Variants in TECRL observed in about 807,000 individuals in gnomAD.
TECRL encodes trans-2,3-enoyl-CoA reductase like, also known as trans-2,3-enoyl-CoA reductase-like.
A neutral mutation model predicts 52.8 loss-of-function variants in TECRL; 63 were observed. The observed-to-expected ratio is 1.19, with a 90% confidence interval of 0.97 to 1.47. TECRL has a LOEUF of 1.47. Ranked by LOEUF, TECRL falls within the 40% of genes most tolerant of loss-of-function variation. The pLI, the probability that TECRL is intolerant of heterozygous loss-of-function variation, is 0.00. For synonymous variants in TECRL, 164 were observed against 141.9 expected (o/e 1.16, Z -1.10); for missense variants, 482 against 429.6 (o/e 1.12, Z -1.08).
At chr4:64,398,556 G>A (rs543702657) in intron 1 of TECRL, among the ~76,000 whole-genome samples, 2 of 152,196 alleles carry the variant, frequency 1.3e-5, no homozygotes, top group African/African-American at 4.8e-5. Flanking sequence ...GATTCCTGAG[G>A]CCTCCCCATA....
At chr4:64,332,542 C>T (rs1480831481) in intron 2 of TECRL, among the ~76,000 whole-genome samples, 1 of 151,930 alleles carries the variant, frequency 6.6e-6, no homozygotes, top group Non-Finnish European at 1.5e-5. Flanking sequence ...TGATGAAAAA[C>T]CAGGGGGAAA....
intron 2 of TECRL, among the ~76,000 whole-genome samples, chr4:64,336,077 G>C (rs183159482): frequency 6.6e-6 from 1 of 151,804 alleles, no homozygotes; most frequent in Non-Finnish European, 1.5e-5. Flanking sequence ...GAATAGTTTC[G>C]GAAGGAATGG....
intron 2 of TECRL, among the ~76,000 whole-genome samples, chr4:64,353,795 C>G (rs984682928): frequency 4.9e-4 from 40 of 81,196 alleles, no homozygotes; most frequent in African/African-American, 1.3e-3. Flanking sequence ...GAGAGCACAC[C>G]AGAAATAAAA....
At position 64,314,731 on chromosome 4, in the gene TECRL, T is replaced by C; in HGVS notation, c.468A>G (p.Leu156=). The C allele has an allele frequency of 1.2e-6, 2 of 1,613,648 alleles. No homozygotes were observed. The highest frequency in any genetic ancestry group is 2.2e-5 in the South Asian group (2 of 91,060). Residue 156 remains leucine, a synonymous_variant, in exon 5 of 12, where the codon CTA becomes CTG. Coordinates refer to ENST00000381210, the MANE Select transcript of TECRL (RefSeq NM_001010874.5). ...TCCTCAAATAAAAGAGGAGGTATAT[T>C]AGCAGAGGTCCTGTGTATTCAGCCA... ...VFLAEYTGPL[L]IYLLFYLRIP...
intron 2 of TECRL, among the ~76,000 whole-genome samples, chr4:64,355,850 T>C (rs1720736723): frequency 6.6e-6 from 1 of 151,178 alleles, no homozygotes; most frequent in African/African-American, 2.4e-5. Flanking sequence ...TAAAAATATA[T>C]ACATGGTATG....
At chr4:64,325,817 G>A (rs940769262) in intron 3 of TECRL, among the ~76,000 whole-genome samples, 5 of 151,990 alleles carry the variant, frequency 3.3e-5, no homozygotes, top group African/African-American at 1.2e-4. Context: ...CAGATCATTG[G>A]CATTCTATTT....
At chr4:64,406,180 G>GTGTGTT (rs67441561) in intron 1 of TECRL, among the ~76,000 whole-genome samples, 3 of 151,466 alleles carry the variant, frequency 2.0e-5, no homozygotes, top group Admixed American at 2.0e-4. Flanking sequence ...GTGTGTGTGT[G>GTGTGTT]TATGTGTGTA....
intron 8 of TECRL, among the ~76,000 whole-genome samples, chr4:64,296,498 A>G (rs10029234): frequency 0.021 from 3,158 of 151,870 alleles, 45 homozygotes; most frequent in Middle Eastern, 0.041. Context: ...TATTTTAATT[A>G]CTTTGTAAGC....
intron 5 of TECRL, among the ~76,000 whole-genome samples, chr4:64,310,802 C>T (rs1017590058): frequency 6.6e-6 from 1 of 152,144 alleles, no homozygotes; most frequent in African/African-American, 2.4e-5. Flanking sequence ...ATCTCTCAGT[C>T]TTAAACTCTC....
intron 5 of TECRL, among the ~76,000 whole-genome samples, chr4:64,313,177 T>C (rs1717183514): frequency 6.6e-6 from 1 of 152,174 alleles, no homozygotes; most frequent in African/African-American, 2.4e-5. Context: ...CAAAACTTGA[T>C]TCGAGGTAAG....
At chr4:64,403,472 A>AGC (rs752405355) in intron 1 of TECRL, among the ~76,000 whole-genome samples, 606 of 53,780 alleles carry the variant, frequency 0.011, 4 homozygotes, top group Middle Eastern at 0.047. Context: ...TCCCTCCCTG[A>AGC]GCGCACACAC....
chr4:64,366,943 C>T (rs934209667), intron 2 of TECRL, among the ~76,000 whole-genome samples: 5 of 152,070 alleles, frequency 3.3e-5, no homozygotes, highest in Admixed American at 6.6e-5. Flanking sequence ...CTCATGTTCA[C>T]TGCAGCACTA....
At chr4:64,351,099 A>G (rs1720360061) in intron 2 of TECRL, among the ~76,000 whole-genome samples, 1 of 148,032 alleles carries the variant, frequency 6.8e-6, no homozygotes, top group Non-Finnish European at 1.5e-5. Flanking sequence ...AGTTGATCTC[A>G]TGCAAGTAGA....
At chr4:64,283,331 T>C (rs1251079044) in intron 9 of TECRL, among the ~76,000 whole-genome samples, 1 of 151,978 alleles carries the variant, frequency 6.6e-6, no homozygotes, top group Non-Finnish European at 1.5e-5. Context: ...GCTTACATAG[T>C]TGGCACCAGG....
chr4:64,313,843 GTAAC>G (rs1310809688), intron 5 of TECRL, among the ~76,000 whole-genome samples: 4 of 149,982 alleles, frequency 2.7e-5, no homozygotes, highest in Non-Finnish European at 5.9e-5. Flanking sequence ...CTTATAAAAA[GTAAC>G]TTGTGGCCGG....
At chr4:64,339,454 A>T (rs536200391) in intron 2 of TECRL, among the ~76,000 whole-genome samples, 5 of 151,692 alleles carry the variant, frequency 3.3e-5, no homozygotes, top group South Asian at 2.1e-4. Flanking sequence ...AAATATATAT[A>T]TATATATGGA....
chr4:64,295,611 C>G (rs1402214766), intron 8 of TECRL, among the ~76,000 whole-genome samples: 1 of 151,608 alleles, frequency 6.6e-6, no homozygotes, highest in African/African-American at 2.4e-5. Context: ...AGTTTACATA[C>G]ACTAACTCTG....
intron 1 of TECRL, among the ~76,000 whole-genome samples, chr4:64,388,189 T>A (rs1218145167): frequency 6.6e-6 from 1 of 150,710 alleles, no homozygotes; most frequent in African/African-American, 2.4e-5. Context: ...TTGAGTTAAT[T>A]TGTGTGAAAT....
chr4:64,338,385 C>G (rs952006759), intron 2 of TECRL, among the ~76,000 whole-genome samples: 6 of 152,116 alleles, frequency 3.9e-5, no homozygotes, highest in African/African-American at 1.2e-4. Flanking sequence ...AAGACTTCAT[C>G]TCTAAAACAC....
Sources: allele counts gnomAD v4.1 joint callset (sites outside exome capture counted in the v4.1 genomes callset), GRCh38; gene constraint gnomAD v4.1.1; transcripts MANE v1.5; gene names NCBI Gene and HGNC (gene_info 2026-07-23, HGNC 2026-07-21).